NLN: variants seen among roughly 807,000 people sequenced by gnomAD.
NLN encodes neurolysin, also known as neurolysin, mitochondrial.
In NLN, 64 loss-of-function variants were observed where a neutral mutation model predicts 79.9. The ratio of observed to expected loss-of-function variants is 0.80; its 90% CI spans 0.65 to 0.99. The LOEUF is 0.99. Among genes scored for constraint, NLN ranks in the 50% least tolerant of loss-of-function variants. The pLI is 0.00. For synonymous variants in NLN, 267 were observed against 296.6 expected, an observed-to-expected ratio of 0.90 and a Z score of 1.02; for missense variants, 835 against 858.7, an observed-to-expected ratio of 0.97 and a Z score of 0.34.
chr5:65,773,783 A>G (rs1353326053), intron 3 of NLN, among the ~76,000 whole-genome samples: 1 of 152,066 alleles, frequency 6.6e-6, no homozygotes, highest in Non-Finnish European at 1.5e-5. Context: ...TCTCTACAAA[A>G]TATACAAAAA....
intron 9 of NLN, among the ~76,000 whole-genome samples, chr5:65,808,306 C>T (rs763253888): frequency 2.6e-5 from 4 of 152,204 alleles, no homozygotes; most frequent in Admixed American, 2.0e-4. Flanking sequence ...GCTGCTGATT[C>T]GGCACCCCAT....
At chr5:65,771,977 AG>A (rs1259536009) in intron 3 of NLN, among the ~76,000 whole-genome samples, 3 of 151,040 alleles carry the variant, frequency 2.0e-5, no homozygotes, top group Admixed American at 6.6e-5. Flanking sequence ...AAAAAAAAAA[AG>A]ATATCCCAAA....
chr5:65,781,423 T>TA lies in NLN; in HGVS notation c.822+3dup. On this transcript the variant is annotated splice_region_variant and intron_variant, in intron 6 of 12. Coordinates refer to ENST00000380985, the MANE Select transcript of NLN (RefSeq NM_020726.5). ...GCTTTTAATACAAGGTGCAAAGAGGTATTATAAATGTTTGTCTTTCTTTTG... is the reference window on the plus strand; with the variant it reads ...GCTTTTAATACAAGGTGCAAAGAGGTAATTATAAATGTTTGTCTTTCTTTTG... 1.3e-6 allele frequency: 2 copies of TA among 1,589,934 alleles called. No homozygotes were observed. The highest frequency in any genetic ancestry group is 2.3e-5 in the South Asian group (2 of 88,838).
At chr5:65,814,660 T>C (rs1373625395) in intron 12 of NLN, among the ~76,000 whole-genome samples, 1 of 152,100 alleles carries the variant, frequency 6.6e-6, no homozygotes, top group Non-Finnish European at 1.5e-5. Context: ...CCTTCTCTCA[T>C]TACCTTTTCT....
chr5:65,754,058 T>C (rs1759162261), intron 1 of NLN, among the ~76,000 whole-genome samples: 1 of 151,878 alleles, frequency 6.6e-6, no homozygotes, highest in African/African-American at 2.4e-5. Context: ...CCTATACTTA[T>C]TCCTTTATCA....
At chr5:65,757,596 T>TTATA (rs147952126) in intron 1 of NLN, among the ~76,000 whole-genome samples, 9 of 151,912 alleles carry the variant, frequency 5.9e-5, no homozygotes, top group Admixed American at 2.0e-4. Flanking sequence ...TTATATGTAC[T>TTATA]TATATATATG....
intron 3 of NLN, among the ~76,000 whole-genome samples, chr5:65,773,709 G>A (rs554739021): frequency 5.3e-5 from 8 of 152,266 alleles, no homozygotes; most frequent in Non-Finnish European, 8.8e-5. Context: ...TTGGGAAGCC[G>A]AGGCAGGTGG....
At chr5:65,790,769 A>ATT (rs1047820498) in intron 8 of NLN, among the ~76,000 whole-genome samples, 9 of 152,228 alleles carry the variant, frequency 5.9e-5, no homozygotes, top group African/African-American at 2.2e-4. Flanking sequence ...GATGAGTCTT[A>ATT]TTTTTAAATA....
intron 3 of NLN, among the ~76,000 whole-genome samples, chr5:65,763,978 A>G (rs1169495919): frequency 6.6e-6 from 1 of 152,116 alleles, no homozygotes; most frequent in African/African-American, 2.4e-5. Context: ...AAGTTATGAA[A>G]ATAACTTTAT....
At chr5:65,772,266 A>C (rs1217199314) in intron 3 of NLN, among the ~76,000 whole-genome samples, 1 of 152,052 alleles carries the variant, frequency 6.6e-6, no homozygotes, top group Non-Finnish European at 1.5e-5. Context: ...CTTTTCCTTC[A>C]TGTGACTTAA....
chr5:65,792,380 TG>T, intron 8 of NLN, 73 bp from the exon 9 acceptor site: 1 of 868,290 alleles, frequency 1.2e-6, no homozygotes. Context: ...GCTTAATGAC[TG>T]GAAGAGGCCA....
chr5:65,777,550 C>T lies in NLN; in HGVS notation c.558+16C>T. On this transcript the variant is annotated intron_variant, in intron 4 of 12. Coordinates refer to ENST00000380985, the MANE Select transcript of NLN (RefSeq NM_020726.5). ...AGTACAGAATGTGAGTTTATGTTTTCTTTTCTTATCAGAAAAAAAAAATGA... is the reference window on the plus strand; with the variant it reads ...AGTACAGAATGTGAGTTTATGTTTTTTTTTCTTATCAGAAAAAAAAAATGA... 7.1e-7 allele frequency: 1 copy of T among 1,416,512 alleles called. No homozygotes were observed. Among genetic ancestry groups the T allele is most frequent in the Non-Finnish European group, 9.8e-7 (1 of 1,019,672 alleles). 87.7% of individuals were successfully genotyped at this position (1,416,512 alleles called of 1,614,324 possible).
chr5:65,726,703 A>G (rs1758481549), intron 1 of NLN, among the ~76,000 whole-genome samples: 1 of 152,230 alleles, frequency 6.6e-6, no homozygotes. Flanking sequence ...AGAAGCTACC[A>G]TAAATATATT....
chr5:65,783,871 T>C (rs920912086), intron 6 of NLN, among the ~76,000 whole-genome samples: 1 of 152,142 alleles, frequency 6.6e-6, no homozygotes, highest in African/African-American at 2.4e-5. Context: ...ACATTATGTA[T>C]GTTTCTCTTC....
At chr5:65,817,312 G>T (rs1170211275) in intron 12 of NLN, among the ~76,000 whole-genome samples, 1 of 152,084 alleles carries the variant, frequency 6.6e-6, no homozygotes, top group South Asian at 2.1e-4. Context: ...ACATGAAGTT[G>T]TCTCATTGTC....
chr5:65,722,244 G>C lies in NLN; in HGVS notation c.-130G>C. The C allele has an allele frequency of 3.6e-6, 2 of 550,714 alleles. No individual in the cohort carries two copies. Among genetic ancestry groups the C allele is most frequent in the Non-Finnish European group, 5.8e-6 (2 of 342,158 alleles). 34.1% of individuals were successfully genotyped at this position (550,714 alleles called of 1,614,324 possible). On this transcript the variant is annotated 5_prime_UTR_variant, in exon 1 of 13. Coordinates refer to ENST00000380985, the MANE Select transcript of NLN (RefSeq NM_020726.5). ...AGCTGCCGCACGTGGGAGGGCGCTG[G>C]CCAGGCAGCCACTGTGGCCTCTGCG... is the stretch of plus-strand genomic sequence containing the variant.
chr5:65,732,245 A>G (rs1321455821), intron 1 of NLN, among the ~76,000 whole-genome samples: 4 of 152,228 alleles, frequency 2.6e-5, no homozygotes, highest in Admixed American at 6.5e-5. Context: ...CCCGTTCACC[A>G]TAGCTTACAT....
rs1760571632 is a variant in NLN, at chr5:65,812,377, A to T, written c.1966A>T (p.Ile656Leu). Residue 656 changes from isoleucine (I) to leucine (L), a missense_variant, in exon 12 of 13, where the codon ATA (isoleucine) becomes TTA (leucine). By Grantham distance (5) the Ile-to-Leu change is conservative. Coordinates refer to ENST00000380985, the MANE Select transcript of NLN (RefSeq NM_020726.5). Reference protein sequence around the residue: ...MFYSCFKKEGIMNPEVGMKYR... With the variant: ...MFYSCFKKEGLMNPEVGMKYR... The stretch of plus-strand genomic sequence containing the variant: ...TTACAGCTGTTTTAAAAAAGAAGGG[A>T]TAATGAATCCAGAGGTATAGTATTA... The T allele has an allele frequency of 6.4e-7, 1 of 1,551,662 alleles. No individual in the cohort carries two copies. Among genetic ancestry groups the T allele is most frequent in the African/African-American group, 1.4e-5 (1 of 73,264 alleles).
Position 65,826,458 on chromosome 5 carries a change from T to C in NLN, c.*3543T>C, listed in dbSNP as rs374480679. 3.3e-5 allele frequency: 5 copies of C among 152,292 alleles called. No individual in the cohort carries two copies. In the East Asian group the frequency reaches 5.8e-4, roughly 18 times the overall value. The allele number at this position is 152,292 out of a possible 1,614,324, so 9.4% of individuals were successfully genotyped here. A position where few individuals can be genotyped will look rare whatever the true frequency, so the allele number is the denominator to read the frequency against. On this transcript the variant is annotated 3_prime_UTR_variant, in exon 13 of 13. Coordinates refer to ENST00000380985, the MANE Select transcript of NLN (RefSeq NM_020726.5). ...CATAGTTAACTGAGCCCCCAAAGAA[T>C]GTTAAAAGAGAAAATCCATTTTATT...
Sources: gnomAD v4.1 joint callset for allele counts (sites outside exome capture counted in the v4.1 genomes callset) on GRCh38, gnomAD v4.1.1 for gene constraint, MANE v1.5 for transcripts, NCBI Gene and HGNC (gene_info 2026-07-23, HGNC 2026-07-21) for gene names.